TTN: variants seen among roughly 807,000 people sequenced by gnomAD.
TTN encodes titin, also known as connectin.
A neutral mutation model predicts 3,223.0 loss-of-function variants in TTN; 1,525 were observed. The observed-to-expected ratio is 0.47, with a 90% CI of 0.45 to 0.49. The LOEUF (loss-of-function observed/expected upper bound fraction) is 0.49, where lower values mean the gene tolerates loss of function less well. TTN is among the 20% of genes least tolerant of loss of function. TTN has a pLI of 0.00. For synonymous variants in TTN, 14,094 were observed against 15,161.0 expected (o/e 0.93, Z 5.17); for missense variants, 40,786 against 43,424.0 (o/e 0.94, Z 5.40).
chr2:178,708,515 T>C (rs2076198790), intron 99 of TTN, among the ~76,000 whole-genome samples: 1 of 152,212 alleles, frequency 6.6e-6, no homozygotes, highest in Non-Finnish European at 1.5e-5. Flanking sequence ...CCATTTTTTT[T>C]GTTATTGCAA....
At position 178,603,896 on chromosome 2, in the gene TTN, T is replaced by G; in HGVS notation, c.54791A>C (p.Glu18264Ala). The G allele has an allele frequency of 6.2e-7, 1 of 1,607,626 alleles. No homozygotes were observed. Among genetic ancestry groups the G allele is most frequent in the South Asian group, 1.1e-5 (1 of 90,578 alleles). ...CTTACATATGGGATCTCCTGCAACC[T>G]CTGGATCTGATGGTTCACTGGGAGG... ...IGPPSEPSDP[E>A]VAGDPIFPPG... The change falls in exon 282 of 363, where the codon GAG becomes GCG. Residue 18264 changes from glutamate (E) to alanine (A), a missense_variant. Coordinates refer to ENST00000589042, the MANE Select transcript of TTN (RefSeq NM_001267550.2).
chr2:178,599,584 C>T lies in TTN; in HGVS notation c.56317G>A (p.Ala18773Thr). 6.3e-7 allele frequency: 1 copy of T among 1,592,282 alleles called. No individual in the cohort carries two copies. Among genetic ancestry groups the T allele is most frequent in the South Asian group, 1.1e-5 (1 of 86,972 alleles). ...TITAVNNLGT[A>T]SKEMRLNVLG... is the part of the protein sequence containing the mutation. ...ACATTCAGTCTCATCTCCTTTGATG[C>T]TGTTCCCAGATTATTTACAGCTGTG... Residue 18773 changes from alanine to threonine, a missense_variant, in exon 289 of 363, where the codon GCA becomes ACA. Ala to Thr is a moderately conservative substitution (Grantham distance 58). Transcript: ENST00000589042.
At chr2:178,663,982 G>C in intron 169 of TTN, 33 bp downstream of exon 169, 1 of 1,603,502 alleles carries the variant, frequency 6.2e-7, no homozygotes. Flanking sequence ...AGAAGAATTA[G>C]GTCTTCTGAA....
Position 178,567,331 on chromosome 2 carries a change from T to C in TTN, c.78801A>G (p.Arg26267=), listed in dbSNP as rs1373203200. 6.2e-7 allele frequency: 1 copy of C among 1,604,510 alleles called. No homozygotes were observed. The highest frequency in any genetic ancestry group is 8.5e-7 in the Non-Finnish European group (1 of 1,176,552). ...IRIDGGQYIL[R]ASNVAGSKSF... is the part of the protein sequence containing the mutation. ...ACTTAGAACCTGCAACATTGGAAGC[T>C]CTTAAAATATACTGCCCACCATCAA... Residue 26267 remains arginine (R), a synonymous_variant, in exon 326 of 363, where the codon AGA becomes AGG. Transcript: ENST00000589042.
At chr2:178,736,227 T>C (rs1417308402) in intron 49 of TTN, among the ~76,000 whole-genome samples, 153 bp from the exon 50 acceptor site, 1 of 152,158 alleles carries the variant, frequency 6.6e-6, no homozygotes, top group African/African-American at 2.4e-5. Context: ...GAACAAAAGA[T>C]TGTCAAAGGA....
In TTN at chr2:178,602,113, G is replaced by C. The variant is rs1368488104; in HGVS notation, c.55158C>G (p.Asp18386Glu). 6.2e-7 allele frequency: 1 copy of C among 1,611,466 alleles called. No individual in the cohort carries two copies. The highest frequency in any genetic ancestry group is 2.2e-5 in the East Asian group (1 of 44,652). Residue 18386 changes from aspartate (D) to glutamate (E), a missense_variant, in exon 284 of 363, where the codon GAC becomes GAG. Transcript: ENST00000589042. ...PEVFIDIGAQ[D>E]CLVCKAGSQI... ...GTGAGCCAGCTTTACAAACCAGACAGTCCTGTGCTCCAATGTCAATGAAAA... is the reference window on the plus strand; with the variant it reads ...GTGAGCCAGCTTTACAAACCAGACACTCCTGTGCTCCAATGTCAATGAAAA...
rs1387641640 is a variant in TTN at position 178,636,258 on chromosome 2, T to C, written c.41330-17A>G. ...CAGGAAGTTCTATGGAGAATTTCAG[T>C]ATATATTTCAATAAATACAATATTT... is the stretch of plus-strand genomic sequence containing the variant. On this transcript the variant is annotated splice_polypyrimidine_tract_variant and intron_variant, in intron 225 of 362. Transcript: ENST00000589042. This position sits in a 1 kb window ranked among gnomAD's most constrained non-coding sequence, Gnocchi z 4.3. 2.0e-6 allele frequency: 3 copies of C among 1,501,310 alleles called. No homozygotes were observed. Among genetic ancestry groups the C allele is most frequent in the East Asian group, 2.4e-5 (1 of 41,534 alleles). The allele number at this position is 1,501,310 out of a possible 1,614,324, so 93.0% of individuals were successfully genotyped here.
intron 43 of TTN, among the ~76,000 whole-genome samples, chr2:178,760,315 A>G (rs1348091326): frequency 6.6e-6 from 1 of 152,172 alleles, no homozygotes; most frequent in Non-Finnish European, 1.5e-5. Flanking sequence ...GCAGATCACG[A>G]GGTCAGGAGT....
chr2:178,712,077 G>GT lies in TTN; in HGVS notation c.27752dup (p.Tyr9251Ter). 6.2e-7 allele frequency: 1 copy of GT among 1,613,824 alleles called. No individual in the cohort carries two copies. Among genetic ancestry groups the GT allele is most frequent in the Non-Finnish European group, 8.5e-7 (1 of 1,179,772 alleles). ...GDTKLRPTTT[Y>*]KMHFRNNVAT... ...CAACATTATTCCTAAAATGCATTTT[G>GT]TAAGTCGTAGTGGGTCTCAATTTTG... The change falls in exon 96 of 363, where the codon TAC becomes TAAC. Residue 9251 changes from tyrosine (Y) to a stop codon, truncating the protein, a stop_gained and frameshift_variant. Coordinates refer to ENST00000589042, the MANE Select transcript of TTN (RefSeq NM_001267550.2). LOFTEE classifies it high-confidence loss of function.
At chr2:178,790,646 T>G in intron 11 of TTN, 62 bp downstream of exon 11, 4 of 1,612,016 alleles carry the variant, frequency 2.5e-6, no homozygotes, top group Non-Finnish European at 3.4e-6. Context: ...ATGATGAAAA[T>G]GTAGGTGATT....
chr2:178,697,239 C>A, intron 112 of TTN, 71 bp from the exon 113 acceptor site: 1 of 1,267,142 alleles, frequency 7.9e-7, no homozygotes, highest in Non-Finnish European at 1.1e-6. Context: ...TACTAATCCT[C>A]CACATCATTG....
In TTN at chr2:178,594,597, ATTTT is replaced by A; in HGVS notation, c.57893_57896del (p.Lys19298IlefsTer3). 6.2e-7 allele frequency: 1 copy of A among 1,612,552 alleles called. No individual in the cohort carries two copies. The highest frequency in any genetic ancestry group is 1.1e-5 in the South Asian group (1 of 90,884). On this transcript the variant is annotated frameshift_variant, in exon 296 of 363. Transcript: ENST00000589042. LOFTEE classifies it high-confidence loss of function. ...GAGGATTCCAAGTCAAAGTTACAGT[ATTTT>A]TAGTAACTTCTTTGACTTCCAGGTC...
chr2:178,562,890 A>G lies in TTN; in HGVS notation c.83242T>C (p.Leu27748=), dbSNP rs561769543. 1 of 1,613,378 alleles carries G rather than the reference A, an allele frequency of 6.2e-7. No individual in the cohort carries two copies. The highest frequency in any genetic ancestry group is 2.2e-5 in the East Asian group (1 of 44,710). ...RFDSGRYNLT[L]ENNSGSKTAF... ...GTTTTGGAGCCACTATTATTTTCTA[A>G]TGTCAGATTATACCGACCACTGTCA... The change falls in exon 326 of 363, where the codon TTA becomes CTA. Residue 27748 remains leucine, a synonymous_variant. Coordinates refer to ENST00000589042, the MANE Select transcript of TTN (RefSeq NM_001267550.2).
Position 178,647,155 on chromosome 2 carries a change from C to A in TTN, c.40142-11G>T. The A allele has an allele frequency of 7.3e-7, 1 of 1,368,524 alleles. No homozygotes were observed. The highest frequency in any genetic ancestry group is 9.7e-7 in the Non-Finnish European group (1 of 1,031,482). 84.8% of individuals were successfully genotyped at this position (1,368,524 alleles called of 1,614,324 possible). A position where few individuals can be genotyped will look rare whatever the true frequency, so the allele number is the denominator to read the frequency against. The stretch of plus-strand genomic sequence containing the variant: ...CAGGAGTCTCTTCAACTTTAAAAAA[C>A]ATAGTATTTTATTTTAGACTATATT... On this transcript the variant is annotated splice_polypyrimidine_tract_variant and intron_variant, in intron 214 of 362. Coordinates refer to ENST00000589042, the MANE Select transcript of TTN (RefSeq NM_001267550.2).
Position 178,614,355 on chromosome 2 carries a change from A to G in TTN, c.49049-7T>C. 6.3e-7 allele frequency: 1 copy of G among 1,593,962 alleles called. No individual in the cohort carries two copies. The highest frequency in any genetic ancestry group is 8.5e-7 in the Non-Finnish European group (1 of 1,174,572). ...GCTGGTGGTCCGGGTTTATCTGTGT[A>G]TGGCATTACAGATGCAGAAAAAAAA... On this transcript the variant is annotated splice_polypyrimidine_tract_variant and splice_region_variant and intron_variant, in intron 261 of 362. Transcript: ENST00000589042.
rs780192226 is a variant in TTN, at chr2:178,618,058, CAT to C, written c.47291_47292del (p.Asn15764SerfsTer5). 1 of 1,612,264 alleles carries C rather than the reference CAT, an allele frequency of 6.2e-7. No homozygotes were observed. Among genetic ancestry groups the C allele is most frequent in the South Asian group, 1.1e-5 (1 of 91,016 alleles). Reference sequence around the variant, plus strand: ...AATCGATTCACATCAGTGATGGTTACATTCAAAGGAGGGCCTGGAACATCTGG... The same window carrying C: ...AATCGATTCACATCAGTGATGGTTACTCAAAGGAGGGCCTGGAACATCTGG... ...SKYDVPGPPL[N>X]VTITDVNRFG... On this transcript the variant is annotated frameshift_variant, in exon 253 of 363. Transcript: ENST00000589042. LOFTEE classifies it high-confidence loss of function.
Position 178,735,671 on chromosome 2 carries a change from C to G in TTN, c.14775G>C (p.Gly4925=), listed in dbSNP as rs755413215. 15 of 1,613,628 alleles carry G rather than the reference C, an allele frequency of 9.3e-6. No individual in the cohort carries two copies. The highest frequency in any genetic ancestry group is 9.3e-6 in the Non-Finnish European group (11 of 1,179,802). The change falls in exon 50 of 363, where the codon GGG becomes GGC. Residue 4925 remains glycine (G), a synonymous_variant. Coordinates refer to ENST00000589042, the MANE Select transcript of TTN (RefSeq NM_001267550.2). ...RKVTVTWSKD[G]QKLPPGKDYK... Reference sequence around the variant, plus strand: ...AATCTTTCCCTGGGGGGAGTTTTTGCCCATCTTTGCTCCACGTAACTGTGA... The same window carrying G: ...AATCTTTCCCTGGGGGGAGTTTTTGGCCATCTTTGCTCCACGTAACTGTGA...
In TTN at chr2:178,611,789, G is replaced by A. The variant is rs373185065; in HGVS notation, c.50520C>T (p.Pro16840=). 18 of 1,612,414 alleles carry A rather than the reference G, an allele frequency of 1.1e-5. No individual in the cohort carries two copies. Among genetic ancestry groups the A allele is most frequent in the Non-Finnish European group, 1.5e-5 (18 of 1,179,190 alleles). Residue 16840 remains proline, a synonymous_variant, in exon 268 of 363, where the codon CCC becomes CCT. Transcript: ENST00000589042. ...NEAGVGHPSE[P]TEILSIEDPT... ...GATCTTCAATGGATAGGATTTCTGTGGGTTCACTTGGGTGGCCAACTCCAG... is the reference window on the plus strand; with the variant it reads ...GATCTTCAATGGATAGGATTTCTGTAGGTTCACTTGGGTGGCCAACTCCAG...
rs794729588 is a variant in TTN, at chr2:178,756,632, C to A, written c.10844G>T (p.Ser3615Ile). 2 of 1,613,754 alleles carry A rather than the reference C, an allele frequency of 1.2e-6. No individual in the cohort carries two copies. The highest frequency in any genetic ancestry group is 2.2e-5 in the East Asian group (1 of 44,852). ...TGTGTGGATGGAACTTTGAGATACA[C>A]TTTCAAAAACCTGCACTTCATATTC... ...SYEYEVQVFE[S>I]VSQSSIHTAA... Residue 3615 changes from serine (S) to isoleucine (I), a missense_variant, in exon 46 of 363, where the codon AGT becomes ATT. Coordinates refer to ENST00000589042, the MANE Select transcript of TTN (RefSeq NM_001267550.2).
Sources: gnomAD v4.1 joint callset for allele counts (sites outside exome capture counted in the v4.1 genomes callset) on GRCh38, gnomAD v4.1.1 for gene constraint, Gnocchi (gnomAD v3.1) non-coding constraint, MANE v1.5 for transcripts, NCBI Gene and HGNC (gene_info 2026-07-23, HGNC 2026-07-21) for gene names.